GRM8: variants seen among roughly 807,000 people sequenced by gnomAD.
The protein encoded by GRM8 is glutamate metabotropic receptor 8.
A neutral mutation model predicts 87.2 loss-of-function variants in GRM8; 47 were observed. That is an observed-to-expected ratio of 0.54 (90% CI 0.43 to 0.69). The LOEUF (loss-of-function observed/expected upper bound fraction) is 0.69, where lower values mean the gene tolerates loss of function less well. Ranked by LOEUF, GRM8 falls within the 30% of genes least tolerant of loss-of-function variation. GRM8 has a pLI of 0.00. For synonymous variants in GRM8, 396 were observed against 404.5 expected (o/e 0.98, Z 0.25); for missense variants, 1,019 against 1,139.2 (o/e 0.89, Z 1.52).
intron 3 of GRM8, among the ~76,000 whole-genome samples, chr7:127,003,341 G>C (rs1022313604): frequency 1.3e-5 from 2 of 151,724 alleles, no homozygotes; most frequent in Non-Finnish European, 3.0e-5. Flanking sequence ...TTAGCTCCTA[G>C]AGAATGGTGA....
At chr7:126,618,536 T>C (rs907964337) in intron 7 of GRM8, among the ~76,000 whole-genome samples, 1 of 152,148 alleles carries the variant, frequency 6.6e-6, no homozygotes, top group African/African-American at 2.4e-5. Flanking sequence ...TGGGATCTAA[T>C]TAAACTAAGG....
At chr7:127,077,103 C>T (rs11563730) in intron 3 of GRM8, among the ~76,000 whole-genome samples, 44,883 of 151,774 alleles carry the variant, frequency 0.3, 7,047 homozygotes, top group Non-Finnish European at 0.36. Flanking sequence ...TTCCTAAGTC[C>T]AGGTCTTCAA....
intron 3 of GRM8, among the ~76,000 whole-genome samples, chr7:127,088,106 T>G (rs547478291): frequency 6.6e-6 from 1 of 152,372 alleles, no homozygotes; most frequent in East Asian, 1.9e-4. Context: ...TCTCTCCTTT[T>G]TGCCAGGGCT....
intron 6 of GRM8, among the ~76,000 whole-genome samples, chr7:126,842,398 A>T (rs887850000): frequency 6.6e-6 from 1 of 152,252 alleles, no homozygotes; most frequent in East Asian, 1.9e-4. Context: ...TATAGTAAGA[A>T]GAAAAAGACT....
chr7:126,681,983 C>A (rs2151334322), intron 7 of GRM8, among the ~76,000 whole-genome samples: 1 of 152,246 alleles, frequency 6.6e-6, no homozygotes, highest in Admixed American at 6.5e-5. Flanking sequence ...GCCATCCCAA[C>A]CCAATATATA....
At chr7:126,701,429 T>C (rs1809915875) in intron 7 of GRM8, among the ~76,000 whole-genome samples, 2 of 152,218 alleles carry the variant, frequency 1.3e-5, no homozygotes, top group South Asian at 2.1e-4. Flanking sequence ...TCTTATCTCA[T>C]GGTTCTTAAA....
At chr7:127,165,340 A>G (rs979625891) in intron 2 of GRM8, among the ~76,000 whole-genome samples, 3 of 151,550 alleles carry the variant, frequency 2.0e-5, no homozygotes, top group Non-Finnish European at 4.4e-5. Flanking sequence ...TTAGTTTTTA[A>G]GCTCATTTTA....
chr7:126,591,975 T>C (rs1054820704), intron 8 of GRM8, among the ~76,000 whole-genome samples: 1 of 151,708 alleles, frequency 6.6e-6, no homozygotes, highest in South Asian at 2.1e-4. Context: ...AATGAACAAT[T>C]ACGTGCAAAC....
chr7:127,156,185 T>C (rs143919581), intron 2 of GRM8, among the ~76,000 whole-genome samples: 2 of 152,312 alleles, frequency 1.3e-5, no homozygotes, highest in African/African-American at 4.8e-5. Context: ...GTGGATAGGC[T>C]GGGGCTATGC....
intron 3 of GRM8, among the ~76,000 whole-genome samples, chr7:127,042,663 G>A (rs1395282202): frequency 6.6e-6 from 1 of 152,142 alleles, no homozygotes; most frequent in African/African-American, 2.4e-5. Flanking sequence ...AAAAACCCTA[G>A]AAGAAAACCT....
intron 3 of GRM8, among the ~76,000 whole-genome samples, chr7:127,005,891 T>G (rs1241614318): frequency 6.6e-6 from 1 of 151,832 alleles, no homozygotes; most frequent in East Asian, 1.9e-4. Flanking sequence ...TTCATTTTCT[T>G]AAATTTATGA....
chr7:126,625,959 T>G (rs555508191), intron 7 of GRM8, among the ~76,000 whole-genome samples: 36 of 152,168 alleles, frequency 2.4e-4, no homozygotes, highest in Admixed American at 9.8e-4. Flanking sequence ...TCATCTTATG[T>G]ACTTGAAGCC....
intron 2 of GRM8, among the ~76,000 whole-genome samples, chr7:127,199,422 T>TAC (rs1795471459): frequency 2.0e-5 from 3 of 152,236 alleles, no homozygotes; most frequent in Non-Finnish European, 4.4e-5. Flanking sequence ...AAAGAACCTT[T>TAC]CAGCTATTGT....
At position 126,878,594 on chromosome 7, in the gene GRM8, A is replaced by G. The variant is rs577362790; in HGVS notation, c.1156+23948T>C. Among the ~76,000 whole-genome samples, 426 of 144,486 alleles carry G rather than the reference A, an allele frequency of 2.9e-3. 3 individuals carry two copies. The highest frequency in any genetic ancestry group is 0.011 in the African/African-American group (409 of 38,540). The allele number at this position is 144,486 out of a possible 152,430, so 94.8% of individuals were successfully genotyped here. ...GAGTGCAGTGGCACCGTCTCAGCTC[A>G]CTGCAACCTCCACTTCCCGGGTTCA... On this transcript the variant is annotated intron_variant, in intron 6 of 10. Coordinates refer to ENST00000339582, the MANE Select transcript of GRM8 (RefSeq NM_000845.3).
At chr7:126,477,617 AAG>A (rs1806137546) in intron 9 of GRM8, among the ~76,000 whole-genome samples, 1 of 151,010 alleles carries the variant, frequency 6.6e-6, no homozygotes, top group South Asian at 2.1e-4. Context: ...GAAAGAAAGA[AAG>A]AAAGAAAGAA....
chr7:126,446,031 A>C (rs1264477187), intron 10 of GRM8, 95 bp downstream of exon 10: 1 of 1,438,070 alleles, frequency 7.0e-7, no homozygotes, highest in Admixed American at 1.7e-5. Context: ...GGAAACATGT[A>C]GCACAATCCC....
intron 3 of GRM8, among the ~76,000 whole-genome samples, chr7:127,035,048 C>T (rs1472244794): frequency 6.6e-6 from 1 of 152,202 alleles, no homozygotes. Context: ...AAAAGAACTT[C>T]AGCCTTCAAA....
chr7:127,107,997 C>T (rs1825978525), intron 2 of GRM8, among the ~76,000 whole-genome samples: 1 of 152,154 alleles, frequency 6.6e-6, no homozygotes, highest in African/African-American at 2.4e-5. Context: ...CAGAGAGTAC[C>T]CAGAATAGCG....
chr7:127,196,135 T>C (rs1256049182), intron 2 of GRM8, among the ~76,000 whole-genome samples: 1 of 152,188 alleles, frequency 6.6e-6, no homozygotes, highest in Non-Finnish European at 1.5e-5. Flanking sequence ...TAATGTGACA[T>C]TCAAGTTTGG....
Sources: allele counts gnomAD v4.1 joint callset (sites outside exome capture counted in the v4.1 genomes callset), GRCh38; gene constraint gnomAD v4.1.1; transcripts MANE v1.5; gene names NCBI Gene and HGNC (gene_info 2026-07-23, HGNC 2026-07-21).